EPHA6: variants seen among roughly 807,000 people sequenced by gnomAD.
EPHA6 encodes the protein ephrin type-A receptor 6.
Under a neutral mutation model 112.0 loss-of-function variants are expected in EPHA6, and 50 were observed. That is an observed-to-expected ratio of 0.45 (90% CI 0.36 to 0.56). EPHA6 has a LOEUF of 0.56. Ranked by LOEUF, EPHA6 falls within the 20% of genes least tolerant of loss-of-function variation. EPHA6 has a pLI of 0.00. For missense variants in EPHA6, 1,280 were observed against 1,417.4 expected, an observed-to-expected ratio of 0.90 and a Z score of 1.56; for synonymous variants, 529 against 490.7, an observed-to-expected ratio of 1.08 and a Z score of -1.03.
intron 3 of EPHA6, among the ~76,000 whole-genome samples, chr3:97,017,127 C>T (rs560534903): frequency 6.6e-6 from 1 of 152,254 alleles, no homozygotes; most frequent in African/African-American, 2.4e-5. Flanking sequence ...AAATAAGCAC[C>T]TTCATAAGAA....
At chr3:97,041,581 G>C (rs1282313205) in intron 3 of EPHA6, among the ~76,000 whole-genome samples, 1 of 151,876 alleles carries the variant, frequency 6.6e-6, no homozygotes, top group African/African-American at 2.4e-5. Context: ...TTTAATTACT[G>C]AGTTGGTACC....
chr3:97,580,310 T>C (rs1248717827), intron 11 of EPHA6, among the ~76,000 whole-genome samples: 1 of 152,212 alleles, frequency 6.6e-6, no homozygotes, highest in African/African-American at 2.4e-5. Context: ...TTTAGCAAAC[T>C]ACTCAAATTT....
intron 5 of EPHA6, among the ~76,000 whole-genome samples, chr3:97,324,565 C>T (rs1180566538): frequency 6.7e-6 from 1 of 150,268 alleles, no homozygotes; most frequent in Non-Finnish European, 1.5e-5. Flanking sequence ...TTCGATGGAG[C>T]TTCGCTCTTT....
intron 2 of EPHA6, among the ~76,000 whole-genome samples, chr3:96,926,137 T>C (rs549001960): frequency 6.6e-6 from 1 of 152,230 alleles, no homozygotes; most frequent in East Asian, 1.9e-4. Context: ...AGGAAACTTA[T>C]AGTCATGGCA....
intron 10 of EPHA6, among the ~76,000 whole-genome samples, chr3:97,526,407 G>A (rs2092620533): frequency 1.3e-5 from 2 of 152,332 alleles, no homozygotes; most frequent in Middle Eastern, 3.4e-3. Context: ...ACAGCTGGGA[G>A]GGACTGAAAC....
intron 13 of EPHA6, among the ~76,000 whole-genome samples, chr3:97,628,515 A>G (rs2093877086): frequency 6.6e-6 from 1 of 151,912 alleles, no homozygotes; most frequent in Admixed American, 6.6e-5. Context: ...TTACTTCCTG[A>G]TCTGTTTTTT....
chr3:97,307,070 G>A (rs1470408045), intron 5 of EPHA6, among the ~76,000 whole-genome samples: 1 of 151,694 alleles, frequency 6.6e-6, no homozygotes, highest in Non-Finnish European at 1.5e-5. Context: ...TATTCTAGTA[G>A]CCAAGCTCAT....
At chr3:97,231,170 C>A (rs2078513620) in intron 4 of EPHA6, among the ~76,000 whole-genome samples, 1 of 152,116 alleles carries the variant, frequency 6.6e-6, no homozygotes, top group African/African-American at 2.4e-5. Context: ...ATAATTTGAT[C>A]TCCTACATTG....
At chr3:97,374,006 G>A (rs988693568) in intron 5 of EPHA6, among the ~76,000 whole-genome samples, 1 of 152,028 alleles carries the variant, frequency 6.6e-6, no homozygotes. Flanking sequence ...ACTTTTCAAA[G>A]CTTTTTCAGA....
intron 3 of EPHA6, among the ~76,000 whole-genome samples, chr3:97,099,633 T>A (rs1183540690): frequency 6.6e-6 from 1 of 151,876 alleles, no homozygotes; most frequent in Non-Finnish European, 1.5e-5. Context: ...GATACTGGAA[T>A]GTTGATTAAA....
chr3:97,487,836 T>C (rs1169796369), intron 10 of EPHA6, among the ~76,000 whole-genome samples: 1 of 152,172 alleles, frequency 6.6e-6, no homozygotes, highest in African/African-American at 2.4e-5. Flanking sequence ...CCTTTGGCTT[T>C]TTTGCACTAT....
intron 5 of EPHA6, among the ~76,000 whole-genome samples, chr3:97,265,596 AG>A (rs926497359): frequency 4.6e-5 from 7 of 152,200 alleles, no homozygotes; most frequent in African/African-American, 1.4e-4. Flanking sequence ...CTGCAGGGGC[AG>A]GGGGGGCCTT....
intron 11 of EPHA6, among the ~76,000 whole-genome samples, chr3:97,591,643 T>C (rs1246839021): frequency 6.6e-6 from 1 of 152,236 alleles, no homozygotes; most frequent in Non-Finnish European, 1.5e-5. Context: ...CATTCACTAA[T>C]ACTGCAAGTG....
intron 5 of EPHA6, among the ~76,000 whole-genome samples, chr3:97,327,954 T>C: frequency 8.2e-6 from 1 of 121,896 alleles, no homozygotes; most frequent in South Asian, 2.2e-4. Context: ...TGTATATGTA[T>C]CTGTGTGTAT....
chr3:96,858,183 G>A (rs1487805716), intron 1 of EPHA6, among the ~76,000 whole-genome samples: 1 of 152,100 alleles, frequency 6.6e-6, no homozygotes, highest in Non-Finnish European at 1.5e-5. Flanking sequence ...GACACAGCAA[G>A]CAAATTTTTT....
At chr3:96,929,525 G>A (rs2107651816) in intron 2 of EPHA6, among the ~76,000 whole-genome samples, 1 of 152,210 alleles carries the variant, frequency 6.6e-6, no homozygotes, top group Admixed American at 6.5e-5. Flanking sequence ...ATTCTGGGTT[G>A]GCAGTTTTCT....
chr3:97,096,982 C>T (rs980217115), intron 3 of EPHA6, among the ~76,000 whole-genome samples: 7 of 151,268 alleles, frequency 4.6e-5, no homozygotes, highest in Non-Finnish European at 8.9e-5. Flanking sequence ...TTTATGAGTT[C>T]GTAAACATTT....
chr3:96,981,789 G>A (rs1046480097), intron 2 of EPHA6, among the ~76,000 whole-genome samples: 2 of 152,098 alleles, frequency 1.3e-5, no homozygotes, highest in Non-Finnish European at 2.9e-5. Flanking sequence ...TTGGTAGGGT[G>A]TATGTGTCAA....
chr3:97,746,484 T>C (rs1030303954), intron 16 of EPHA6, among the ~76,000 whole-genome samples: 1 of 151,844 alleles, frequency 6.6e-6, no homozygotes, highest in Admixed American at 6.6e-5. Flanking sequence ...TCAGAATGGC[T>C]TAAATACACA....
Sources: gnomAD v4.1 joint callset for allele counts (sites outside exome capture counted in the v4.1 genomes callset) on GRCh38, gnomAD v4.1.1 for gene constraint, MANE v1.5 for transcripts, NCBI Gene and HGNC (gene_info 2026-07-23, HGNC 2026-07-21) for gene names.